Variants in KIF21B observed in about 807,000 individuals in gnomAD.
KIF21B encodes kinesin family member 21B, also known as kinesin-like protein KIF21B.
KIF21B carries 85 observed loss-of-function variants against 192.9 expected under a neutral mutation model. That is an observed-to-expected ratio of 0.44 (90% confidence interval 0.37 to 0.53). The LOEUF (loss-of-function observed/expected upper bound fraction) is 0.53. Among genes scored for constraint, KIF21B ranks in the 20% least tolerant of loss-of-function variants. The probability of loss-of-function intolerance (pLI) is 0.00; values close to 1 mark genes in which losing one functional copy is unlikely to be tolerated. For synonymous variants in KIF21B, 832 were observed against 884.6 expected (o/e 0.94, Z 1.05); for missense variants, 1,716 against 2,194.8 (o/e 0.78, Z 4.36).
chr1:200,989,436 C>T (rs1269810243), intron 21 of KIF21B, among the ~76,000 whole-genome samples: 1 of 152,194 alleles, frequency 6.6e-6, no homozygotes, highest in African/African-American at 2.4e-5. Context: ...CCCCAGAGAC[C>T]ACAGGCCCCA....
chr1:200,974,322 T>C, intron 34 of KIF21B: 1 of 1,132,326 alleles, frequency 8.8e-7, no homozygotes, highest in Non-Finnish European at 1.2e-6. Context: ...ACAGAGGGCC[T>C]GGCTGCTCCC....
Position 200,975,638 on chromosome 1 carries a change from G to A in KIF21B, c.4475C>T (p.Thr1492Ile), listed in dbSNP as rs141163764. 2.5e-6 allele frequency: 4 copies of A among 1,613,438 alleles called. No individual in the cohort carries two copies. The African/African-American group carries it at 4.0e-5, about 16-fold the overall frequency. ...MFELGECVTG[T>I]IGPTHNFEPP... is the part of the protein sequence containing the mutation. ...CTCGAAGTTGTGAGTGGGGCCGATG[G>A]TGCCCGTCACACACTCGCCCAGCTC... Residue 1492 changes from threonine (T) to isoleucine (I), a missense_variant, in exon 33 of 35, where the codon ACC (threonine) becomes ATC (isoleucine). By Grantham distance (89) the Thr-to-Ile change is moderately conservative. Around this residue, in one of 3 missense-constraint regions of KIF21B, gnomAD observed 580 missense variants for 775.5 expected, o/e 0.75. Transcript: ENST00000461742. This position sits in a 1 kb window ranked among gnomAD's most constrained non-coding sequence, Gnocchi z 4.3.
Position 200,973,819 on chromosome 1 carries a change from G to T in KIF21B, c.4815-241C>A, listed in dbSNP as rs550852960. Reference sequence around the variant, plus strand: ...GTCATGGGTTTTCTTTTTTTGGGGGGGTGTTTCGTTTTGTCCAGGCCTGAA... The same window carrying T: ...GTCATGGGTTTTCTTTTTTTGGGGGTGTGTTTCGTTTTGTCCAGGCCTGAA... On this transcript the variant is annotated intron_variant, in intron 34 of 34. Coordinates refer to ENST00000461742, the MANE Select transcript of KIF21B (RefSeq NM_001252102.2). 4,112 of 1,430,344 alleles carry T rather than the reference G, an allele frequency of 2.9e-3. 7 individuals are homozygous for T. The highest frequency in any genetic ancestry group is 3.5e-3 in the Non-Finnish European group (3,873 of 1,100,328). The allele number at this position is 1,430,344 out of a possible 1,614,324, so 88.6% of individuals were successfully genotyped here.
intron 9 of KIF21B, chr1:201,001,852 A>G: frequency 2.5e-6 from 1 of 399,510 alleles, no homozygotes; most frequent in Non-Finnish European, 4.6e-6. Flanking sequence ...GAAAATACAC[A>G]CCAAGCTGCT....
At position 200,973,099 on chromosome 1, in the gene KIF21B, A is replaced by G; in HGVS notation, c.*422T>C. The G allele has an allele frequency of 5.9e-6, 1 of 169,654 alleles. No homozygotes were observed. The highest frequency in any genetic ancestry group is 1.3e-5 in the Non-Finnish European group (1 of 79,798). The allele number at this position is 169,654 out of a possible 1,614,324, so 10.5% of individuals were successfully genotyped here. ...TCAGAGGCAGGTGCAGTGGCTCTAG[A>G]GGCTGGGCTGGGAGAAGCGGGGAGG... On this transcript the variant is annotated 3_prime_UTR_variant, in exon 35 of 35. Coordinates refer to ENST00000461742, the MANE Select transcript of KIF21B (RefSeq NM_001252102.2).
chr1:200,990,577 T>C lies in KIF21B; in HGVS notation c.2834A>G (p.Lys945Arg). 6.2e-7 allele frequency: 1 copy of C among 1,613,718 alleles called. No homozygotes were observed. The highest frequency in any genetic ancestry group is 2.2e-5 in the East Asian group (1 of 44,878). The change falls in exon 19 of 35, where the codon AAG (lysine) becomes AGG (arginine). Residue 945 changes from lysine (K) to arginine (R), a missense_variant and splice_region_variant. Around this residue, in one of 3 missense-constraint regions of KIF21B, gnomAD observed 1,087 missense variants for 1,316.6 expected, o/e 0.83. Transcript: ENST00000461742. The surrounding 1 kb of genome is among the most constrained non-coding windows in gnomAD (Gnocchi z 5.4). ...AGAGAAGGGGGAGGCAGGGCTCACC[T>C]TGATGAGCCGCTCCATGTCAGCCTC... ...NLEADMERLI[K>R]KREELFLLQE...
At chr1:201,014,525 C>T (rs1002461303) in intron 1 of KIF21B, among the ~76,000 whole-genome samples, 1 of 152,192 alleles carries the variant, frequency 6.6e-6, no homozygotes, top group African/African-American at 2.4e-5. Context: ...CATCTGGGCA[C>T]GTGCTGGGAG....
Position 200,982,921 on chromosome 1 carries a change from C to T in KIF21B, c.3842+135G>A. ...GCAGGAACAGGTCTGGAGAGGGGGGCAGCAGGAAGGGGAGTGGAGGGGCCG... is the reference window on the plus strand; with the variant it reads ...GCAGGAACAGGTCTGGAGAGGGGGGTAGCAGGAAGGGGAGTGGAGGGGCCG... On this transcript the variant is annotated intron_variant, in intron 28 of 34. Transcript: ENST00000461742. The surrounding 1 kb of genome is among the most constrained non-coding windows in gnomAD (Gnocchi z 4.7). The T allele has an allele frequency of 2.6e-6, 2 of 773,526 alleles. No homozygotes were observed. Among genetic ancestry groups the T allele is most frequent in the Non-Finnish European group, 2.2e-6 (1 of 456,600 alleles). The allele number at this position is 773,526 out of a possible 1,614,324, so 47.9% of individuals were successfully genotyped here. A position where few individuals can be genotyped will look rare whatever the true frequency, so the allele number is the denominator to read the frequency against.
In KIF21B at chr1:200,998,408, G is replaced by A. The variant is rs751709530; in HGVS notation, c.2053C>T (p.Arg685Cys). The part of the protein sequence containing the change: ...QNKIRDTQLE[R>C]DRVLQNLSTM... ...CTGAGGTTCTGCAGCACACGGTCGC[G>A]CTCCAGCTGTGTGTCTCGGATCTTG... The change falls in exon 14 of 35, where the codon CGC (arginine) becomes TGC (cysteine). Residue 685 changes from arginine (R) to cysteine (C), a missense_variant. Physicochemically the swap from Arg to Cys is radical, Grantham distance 180. Coordinates refer to ENST00000461742, the MANE Select transcript of KIF21B (RefSeq NM_001252102.2). The surrounding 1 kb of genome is among the most constrained non-coding windows in gnomAD (Gnocchi z 4.3). 5 of 1,613,546 alleles carry A rather than the reference G, an allele frequency of 3.1e-6. No individual in the cohort carries two copies. The highest frequency in any genetic ancestry group is 2.2e-5 in the South Asian group (2 of 91,060).
At chr1:200,996,442 CCCA>C (rs1553240070) in intron 14 of KIF21B, 47 bp from the exon 15 acceptor site, 1 of 1,547,220 alleles carries the variant, frequency 6.5e-7, no homozygotes, top group Non-Finnish European at 8.9e-7. Context: ...CCTAAGGGCT[CCCA>C]CTAAATACAG....
At chr1:200,995,314 T>TGCCCAGGGCCTA (rs1656981405) in intron 15 of KIF21B, among the ~76,000 whole-genome samples, 1 of 152,126 alleles carries the variant, frequency 6.6e-6, no homozygotes, top group Non-Finnish European at 1.5e-5. Flanking sequence ...CTGCCACCAG[T>TGCCCAGGGCCTA]GCCCAGGGCC....
At chr1:201,007,191 G>C (rs28460475) in intron 3 of KIF21B, among the ~76,000 whole-genome samples, 4 of 99,280 alleles carry the variant, frequency 4.0e-5, no homozygotes, top group African/African-American at 6.1e-5. Flanking sequence ...CAGACACAGA[G>C]ACACACAGAC....
intron 34 of KIF21B, among the ~76,000 whole-genome samples, chr1:200,974,505 T>C (rs987748212): frequency 6.6e-6 from 1 of 152,072 alleles, no homozygotes; most frequent in Admixed American, 6.5e-5. Flanking sequence ...AGTACCTTCC[T>C]CCTCCCCTGC....
At chr1:201,019,554 C>A (rs1658702050) in intron 1 of KIF21B, among the ~76,000 whole-genome samples, 1 of 152,142 alleles carries the variant, frequency 6.6e-6, no homozygotes, top group East Asian at 1.9e-4. Context: ...CAGGCCTGGG[C>A]CCCGCCTCAC....
intron 32 of KIF21B, among the ~76,000 whole-genome samples, chr1:200,976,350 C>T (rs1280708713): frequency 6.6e-6 from 1 of 152,210 alleles, no homozygotes; most frequent in Non-Finnish European, 1.5e-5. Flanking sequence ...CCTCAGCCTC[C>T]CAAAGTGCTA....
In KIF21B at chr1:200,998,612, G is replaced by T; in HGVS notation, c.1886-37C>A. On this transcript the variant is annotated intron_variant, in intron 13 of 34. Coordinates refer to ENST00000461742, the MANE Select transcript of KIF21B (RefSeq NM_001252102.2). This position sits in a 1 kb window ranked among gnomAD's most constrained non-coding sequence, Gnocchi z 4.3. ...CAATCAGGCTCAGCCCAGCGTTAGG[G>T]CGAGGGGCAAATTGGGGAGCAGATG... is the stretch of plus-strand genomic sequence containing the variant. The T allele has an allele frequency of 6.3e-7, 1 of 1,591,882 alleles. No homozygotes were observed. Among genetic ancestry groups the T allele is most frequent in the Non-Finnish European group, 8.6e-7 (1 of 1,164,298 alleles).
intron 24 of KIF21B, among the ~76,000 whole-genome samples, 157 bp downstream of exon 24, chr1:200,988,138 AC>A (rs1656423348): frequency 6.6e-6 from 1 of 152,036 alleles, no homozygotes; most frequent in Non-Finnish European, 1.5e-5. Context: ...TATCTGGACA[AC>A]CCCCAATTCC....
intron 1 of KIF21B, among the ~76,000 whole-genome samples, chr1:201,016,910 A>G (rs1485694194): frequency 6.6e-6 from 1 of 152,082 alleles, no homozygotes; most frequent in Non-Finnish European, 1.5e-5. Context: ...GCAGTCTGTC[A>G]ATTCTCTCTG....
At position 201,000,536 on chromosome 1, in the gene KIF21B, G is replaced by A. The variant is rs906732901; in HGVS notation, c.1539C>T (p.Ser513=). Residue 513 remains serine, a synonymous_variant, in exon 11 of 35, where the codon AGC becomes AGT. Transcript: ENST00000461742. This position sits in a 1 kb window ranked among gnomAD's most constrained non-coding sequence, Gnocchi z 6.0. ...CTGGAGAAGCACCCAGGGAGTAGGGGCTCCTAGCCGAGGCCCGTGAGAGGC... is the reference window on the plus strand; with the variant it reads ...CTGGAGAAGCACCCAGGGAGTAGGGACTCCTAGCCGAGGCCCGTGAGAGGC... The part of the protein sequence containing the change: ...RRSLSRASAR[S]PYSLGASPAA... 6.2e-7 allele frequency: 1 copy of A among 1,612,956 alleles called. No homozygotes were observed. Among genetic ancestry groups the A allele is most frequent in the Non-Finnish European group, 8.5e-7 (1 of 1,179,450 alleles).
Sources: gnomAD v4.1 joint callset for allele counts (sites outside exome capture counted in the v4.1 genomes callset) on GRCh38, gnomAD v4.1.1 for gene constraint, gnomAD v4.1.1 regional missense constraint, Gnocchi (gnomAD v3.1) non-coding constraint, MANE v1.5 for transcripts, NCBI Gene and HGNC (gene_info 2026-07-23, HGNC 2026-07-21) for gene names.